AFF3: variants seen among roughly 807,000 people sequenced by gnomAD.
The protein encoded by AFF3 is AF4/FMR2 family member 3.
AFF3 carries 32 observed loss-of-function variants against 129.7 expected under a neutral mutation model. The observed-to-expected ratio is 0.25, with a 90% CI of 0.19 to 0.33. The LOEUF (loss-of-function observed/expected upper bound fraction) is 0.33, where lower values mean the gene tolerates loss of function less well. Among genes scored for constraint, AFF3 ranks in the 10% least tolerant of loss-of-function variants. The pLI is 1.00. For missense variants in AFF3, 1,373 were observed against 1,592.0 expected (o/e 0.86, Z 2.34); for synonymous variants, 644 against 635.4 (o/e 1.01, Z -0.20).
At chr2:99,826,630 G>A (rs1338479219) in intron 8 of AFF3, among the ~76,000 whole-genome samples, 2 of 152,262 alleles carry the variant, frequency 1.3e-5, no homozygotes, top group African/African-American at 4.8e-5. Flanking sequence ...CAGAGGTGAT[G>A]GTGAGAGCAG....
chr2:99,945,308 C>T lies in AFF3; in HGVS notation c.873+61324G>A, dbSNP rs550883035. Reference sequence around the variant, plus strand: ...GTAAAGCCAGTAGCCTAACGGGACTCTGAAGTAAGTTTTTACACTTTCCTT... The same window carrying T: ...GTAAAGCCAGTAGCCTAACGGGACTTTGAAGTAAGTTTTTACACTTTCCTT... On this transcript the variant is annotated intron_variant, in intron 7 of 24. Transcript: ENST00000672756. Among the ~76,000 whole-genome samples, 4 of 152,330 alleles carry T rather than the reference C, an allele frequency of 2.6e-5. No homozygotes were observed. In the South Asian group the frequency reaches 8.3e-4, roughly 32 times the overall value.
intron 8 of AFF3, among the ~76,000 whole-genome samples, chr2:99,825,666 T>G (rs1688025646): frequency 6.6e-6 from 1 of 152,200 alleles, no homozygotes; most frequent in Admixed American, 6.5e-5. Flanking sequence ...ATTCATTACC[T>G]ATCAAAATGA....
At chr2:100,008,528 C>G (rs1016196748) in intron 5 of AFF3, among the ~76,000 whole-genome samples, 1 of 152,116 alleles carries the variant, frequency 6.6e-6, no homozygotes, top group African/African-American at 2.4e-5. Context: ...AATATGTCAA[C>G]GCGGAGATGA....
intron 11 of AFF3, among the ~76,000 whole-genome samples, chr2:99,711,120 T>C (rs888274789): frequency 7.2e-5 from 11 of 152,130 alleles, no homozygotes; most frequent in Non-Finnish European, 1.6e-4. Context: ...GGAGGGCAGA[T>C]ATTAAGGGCT....
intron 11 of AFF3, among the ~76,000 whole-genome samples, chr2:99,717,774 G>A (rs1211191427): frequency 6.6e-6 from 1 of 152,144 alleles, no homozygotes; most frequent in Non-Finnish European, 1.5e-5. Context: ...AGACATCTCT[G>A]TCTGTTCCTA....
chr2:99,928,796 T>C (rs1696467821), intron 7 of AFF3, among the ~76,000 whole-genome samples: 1 of 152,142 alleles, frequency 6.6e-6, no homozygotes, highest in Non-Finnish European at 1.5e-5. Context: ...CTCAGTTCAC[T>C]TGAATGAAGA....
chr2:99,994,171 C>T (rs1296169992), intron 7 of AFF3, among the ~76,000 whole-genome samples: 1 of 152,048 alleles, frequency 6.6e-6, no homozygotes, highest in African/African-American at 2.4e-5. Flanking sequence ...ACTGAAAGAA[C>T]ACTCCATGTT....
intron 7 of AFF3, among the ~76,000 whole-genome samples, chr2:99,950,740 C>T (rs529014184): frequency 6.6e-6 from 1 of 152,276 alleles, no homozygotes; most frequent in African/African-American, 2.4e-5. Context: ...TAATTACAAT[C>T]AGACTCATAT....
At chr2:99,828,149 T>C (rs1315731359) in intron 8 of AFF3, among the ~76,000 whole-genome samples, 2 of 152,120 alleles carry the variant, frequency 1.3e-5, no homozygotes, top group Non-Finnish European at 2.9e-5. Flanking sequence ...TCTGTGGTAT[T>C]AGAATTTCAT....
intron 4 of AFF3, among the ~76,000 whole-genome samples, chr2:100,099,842 T>A (rs56301157): frequency 6.6e-6 from 1 of 152,122 alleles, no homozygotes; most frequent in Admixed American, 6.5e-5. Flanking sequence ...TCCAAGTGTA[T>A]CACACATAGT....
chr2:99,689,312 C>A (rs1334365092), intron 11 of AFF3, among the ~76,000 whole-genome samples: 1 of 152,146 alleles, frequency 6.6e-6, no homozygotes, highest in African/African-American at 2.4e-5. Context: ...GGTCCCAGCC[C>A]TGTAACTCAA....
chr2:99,810,300 A>G (rs879441887), intron 8 of AFF3, among the ~76,000 whole-genome samples: 34 of 152,094 alleles, frequency 2.2e-4, no homozygotes, highest in Non-Finnish European at 4.9e-4. Context: ...TTGCTATGCA[A>G]CCCCAGAGAA....
intron 12 of AFF3, among the ~76,000 whole-genome samples, chr2:99,668,194 G>T (rs1169573958): frequency 6.6e-6 from 1 of 151,974 alleles, no homozygotes; most frequent in Non-Finnish European, 1.5e-5. Flanking sequence ...TTCTCCCCGA[G>T]ATGGAGTCAT....
At chr2:99,804,758 A>G (rs1268299048) in intron 8 of AFF3, among the ~76,000 whole-genome samples, 1 of 152,216 alleles carries the variant, frequency 6.6e-6, no homozygotes, top group East Asian at 1.9e-4. Flanking sequence ...ACCATGAAAA[A>G]GAATGAAATA....
intron 7 of AFF3, among the ~76,000 whole-genome samples, chr2:99,843,225 G>A (rs943689561): frequency 3.3e-5 from 5 of 152,152 alleles, no homozygotes; most frequent in Non-Finnish European, 7.3e-5. Flanking sequence ...TGTGTCTCCT[G>A]CCTTATCTTT....
intron 7 of AFF3, among the ~76,000 whole-genome samples, chr2:99,874,431 C>T (rs1040688023): frequency 1.3e-5 from 2 of 152,098 alleles, no homozygotes; most frequent in African/African-American, 2.4e-5. Flanking sequence ...TTTGGTTCAA[C>T]GTGGTTTTCA....
chr2:99,609,740 G>T (rs1460415001), intron 13 of AFF3, among the ~76,000 whole-genome samples: 1 of 152,140 alleles, frequency 6.6e-6, no homozygotes, highest in Non-Finnish European at 1.5e-5. Flanking sequence ...CCCTCACCCA[G>T]TTACTCCCAA....
At chr2:99,830,518 G>A (rs1329831222) in intron 8 of AFF3, among the ~76,000 whole-genome samples, 4 of 152,150 alleles carry the variant, frequency 2.6e-5, no homozygotes, top group South Asian at 4.1e-4. Flanking sequence ...TTGGGAGGCC[G>A]AGACAGGTGG....
At chr2:100,090,668 T>C (rs1172659517) in intron 4 of AFF3, among the ~76,000 whole-genome samples, 1 of 151,878 alleles carries the variant, frequency 6.6e-6, no homozygotes, top group Admixed American at 6.6e-5. Flanking sequence ...CATACATACA[T>C]ACATATATAT....
Sources: allele counts gnomAD v4.1 joint callset (sites outside exome capture counted in the v4.1 genomes callset), GRCh38; gene constraint gnomAD v4.1.1; transcripts MANE v1.5; gene names NCBI Gene and HGNC (gene_info 2026-07-23, HGNC 2026-07-21).